CCDC66: variants seen among roughly 807,000 people sequenced by gnomAD.
The protein encoded by CCDC66 is coiled-coil domain-containing protein 66.
Under a neutral mutation model 128.3 loss-of-function variants are expected in CCDC66, and 133 were observed. That is an observed-to-expected ratio of 1.04 (90% CI 0.90 to 1.20). The LOEUF is 1.20. Among genes scored for constraint, CCDC66 ranks in the 50% most tolerant of loss-of-function variants. The pLI is 0.00. For missense variants in CCDC66, 1,126 were observed against 1,075.5 expected (o/e 1.05, Z -0.66); for synonymous variants, 387 against 357.0 (o/e 1.08, Z -0.95).
chr3:56,575,222 CTG>C (rs2067193716), intron 7 of CCDC66, among the ~76,000 whole-genome samples: 1 of 151,810 alleles, frequency 6.6e-6, no homozygotes, highest in East Asian at 2.0e-4. Flanking sequence ...CAGCAGTGCA[CTG>C]TGTTCCAATT....
intron 6 of CCDC66, among the ~76,000 whole-genome samples, chr3:56,568,570 C>T (rs540804309): frequency 6.6e-5 from 10 of 152,320 alleles, no homozygotes; most frequent in Non-Finnish European, 8.8e-5. Context: ...TCAGTACATT[C>T]TGCAGCCCTT....
rs11401064 is a variant in CCDC66 at position 56,621,818 on chromosome 3, TAAAA to T, written c.*216_*219del. On this transcript the variant is annotated 3_prime_UTR_variant, in exon 18 of 18. Transcript: ENST00000394672. The stretch of plus-strand genomic sequence containing the variant: ...TACTTCTTTTGTAAAAGCTTAGTAG[TAAAA>T]AAAAAAAAAAAAAAACCGGTTCTTC... 12 of 134,060 alleles carry T rather than the reference TAAAA, an allele frequency of 9.0e-5. No homozygotes were observed. The highest frequency in any genetic ancestry group is 1.4e-4 in the Non-Finnish European group (9 of 64,500). 8.3% of individuals were successfully genotyped at this position (134,060 alleles called of 1,614,324 possible).
chr3:56,572,533 A>G (rs1171998476), intron 7 of CCDC66: 4 of 306,490 alleles, frequency 1.3e-5, no homozygotes, highest in South Asian at 2.9e-5. Flanking sequence ...ATTTTTAGTT[A>G]TCAGTTAATT....
chr3:56,620,358 A>G (rs1379978075), intron 17 of CCDC66: 1 of 153,112 alleles, frequency 6.5e-6, no homozygotes, highest in Non-Finnish European at 1.5e-5. Context: ...TACTCACCAT[A>G]CTACTTTTTC....
chr3:56,561,336 T>A (rs1304275027), intron 3 of CCDC66: 3 of 454,344 alleles, frequency 6.6e-6, no homozygotes, highest in Non-Finnish European at 1.3e-5. Flanking sequence ...AAGATCCCCT[T>A]TATAGGCCTA....
chr3:56,611,386 C>A (rs1042716435), intron 10 of CCDC66, among the ~76,000 whole-genome samples: 6 of 151,842 alleles, frequency 4.0e-5, no homozygotes, highest in Non-Finnish European at 8.8e-5. Flanking sequence ...CCAACTCCCC[C>A]ACAAACCAAA....
chr3:56,558,968 T>C, intron 2 of CCDC66, 58 bp downstream of exon 2: 1 of 1,236,348 alleles, frequency 8.1e-7, no homozygotes, highest in Non-Finnish European at 1.1e-6. Flanking sequence ...ATAAAATTTA[T>C]ATTAGTTCAA....
At position 56,619,514 on chromosome 3, in the gene CCDC66, C is replaced by T; in HGVS notation, c.2622C>T (p.Tyr874=). 6.2e-7 allele frequency: 1 copy of T among 1,606,810 alleles called. No individual in the cohort carries two copies. The highest frequency in any genetic ancestry group is 1.1e-5 in the South Asian group (1 of 89,348). The change falls in exon 16 of 18, where the codon TAC becomes TAT. Residue 874 remains tyrosine, a synonymous_variant. Coordinates refer to ENST00000394672, the MANE Select transcript of CCDC66 (RefSeq NM_001141947.3). Reference sequence around the variant, plus strand: ...GGCCTTCAACCCAGGACCCTCAGTACCAAAATTCACAAGGTAAGTAAATAT... The same window carrying T: ...GGCCTTCAACCCAGGACCCTCAGTATCAAAATTCACAAGGTAAGTAAATAT... ...LSGPSTQDPQ[Y]QNSQDCGQKR... is the part of the protein sequence containing the mutation.
At chr3:56,576,617 T>C (rs2067419865) in intron 7 of CCDC66, among the ~76,000 whole-genome samples, 1 of 139,772 alleles carries the variant, frequency 7.2e-6, no homozygotes, top group Non-Finnish European at 1.5e-5. Flanking sequence ...CCAAGTGTTC[T>C]CATTGTTTAG....
chr3:56,572,306 GT>G, intron 7 of CCDC66: 2 of 1,234,732 alleles, frequency 1.6e-6, no homozygotes, highest in Non-Finnish European at 1.1e-6. Context: ...CAGTGTCACT[GT>G]TTTTCTATTT....
intron 8 of CCDC66, 98 bp from the exon 9 acceptor site, chr3:56,593,393 T>C (rs1235283840): frequency 5.2e-6 from 7 of 1,340,948 alleles, no homozygotes; most frequent in African/African-American, 1.5e-5. Flanking sequence ...CTTATTCTGC[T>C]CTAAGGTGAC....
chr3:56,604,873 T>C (rs927416822), intron 10 of CCDC66, among the ~76,000 whole-genome samples: 1 of 152,132 alleles, frequency 6.6e-6, no homozygotes, highest in Non-Finnish European at 1.5e-5. Flanking sequence ...TTTTCCAACT[T>C]GGTTCCATTC....
At chr3:56,610,943 G>A (rs1463738884) in intron 10 of CCDC66, among the ~76,000 whole-genome samples, 1 of 152,192 alleles carries the variant, frequency 6.6e-6, no homozygotes, top group Non-Finnish European at 1.5e-5. Flanking sequence ...CTCAGCCGTG[G>A]ATACCAGTGC....
rs1392110370 is a variant in CCDC66, at chr3:56,613,605, A to G, written c.1421A>G (p.Gln474Arg). The G allele has an allele frequency of 6.2e-7, 1 of 1,613,034 alleles. No individual in the cohort carries two copies. The highest frequency in any genetic ancestry group is 1.3e-5 in the African/African-American group (1 of 74,914). The change falls in exon 11 of 18, where the codon CAG becomes CGG. Residue 474 changes from glutamine (Q) to arginine (R), a missense_variant. Gln to Arg is a conservative substitution (Grantham distance 43). Transcript: ENST00000394672. Reference sequence around the variant, plus strand: ...TATGACTAGAAAGCCATCACTGCCCAGGTAGAAGAGAAGCGCAGGAAGAAA... The same window carrying G: ...TATGACTAGAAAGCCATCACTGCCCGGGTAGAAGAGAAGCGCAGGAAGAAA... ...QLEHQKAITA[Q>R]VEEKRRKKQL...
At chr3:56,561,342 G>A in intron 3 of CCDC66, 1 of 448,710 alleles carries the variant, frequency 2.2e-6, no homozygotes, top group East Asian at 7.0e-5. Context: ...CCCTTTATAG[G>A]CCTATAATAA....
At position 56,561,064 on chromosome 3, in the gene CCDC66, TTCTC is replaced by T. The variant is rs565523173; in HGVS notation, c.102+1472_102+1475del. 80 of 421,704 alleles carry T rather than the reference TTCTC, an allele frequency of 1.9e-4. No individual in the cohort carries two copies. The Admixed American group carries it at 2.1e-3, about 11-fold the overall frequency. The allele number at this position is 421,704 out of a possible 1,614,324, so 26.1% of individuals were successfully genotyped here. On this transcript the variant is annotated intron_variant, in intron 3 of 17. Coordinates refer to ENST00000394672, the MANE Select transcript of CCDC66 (RefSeq NM_001141947.3). ...AACTACATATAAAAATTGTTTCTCT[TTCTC>T]TATCATATAGTTATATACCATGTAT...
Position 56,617,483 on chromosome 3 carries a change from C to T in CCDC66, c.2215C>T (p.Leu739Phe), listed in dbSNP as rs955782839. ...AAAAGTAAGGAGGCAGATGGAATTG[C>T]TTCATTTGGTAGAAAAAAATAATCC... ...EKKVRRQMEL[L>F]HLVEKNNPGH... The change falls in exon 14 of 18, where the codon CTT becomes TTT. Residue 739 changes from leucine to phenylalanine, a missense_variant. Leu to Phe is a conservative substitution (Grantham distance 22). Transcript: ENST00000394672. 1 of 1,613,868 alleles carries T rather than the reference C, an allele frequency of 6.2e-7. No homozygotes were observed. Among genetic ancestry groups the T allele is most frequent in the African/African-American group, 1.3e-5 (1 of 74,910 alleles).
chr3:56,571,343 G>A, intron 7 of CCDC66, 41 bp downstream of exon 7: 2 of 1,258,436 alleles, frequency 1.6e-6, no homozygotes, highest in East Asian at 2.7e-5. Context: ...ACTAAGCAGT[G>A]TTCATATTAT....
intron 10 of CCDC66, among the ~76,000 whole-genome samples, chr3:56,600,687 A>G (rs1267975882): frequency 6.6e-6 from 1 of 151,944 alleles, no homozygotes; most frequent in Admixed American, 6.6e-5. Context: ...CTGGCATGAG[A>G]TGGTATCTCA....
Sources: allele counts gnomAD v4.1 joint callset (sites outside exome capture counted in the v4.1 genomes callset), GRCh38; gene constraint gnomAD v4.1.1; transcripts MANE v1.5; gene names NCBI Gene and HGNC (gene_info 2026-07-23, HGNC 2026-07-21).